TTC12: variants seen among roughly 807,000 people sequenced by gnomAD.
TTC12 encodes the protein tetratricopeptide repeat protein 12.
Under a neutral mutation model 90.1 loss-of-function variants are expected in TTC12, and 70 were observed. The ratio of observed to expected loss-of-function variants is 0.78; its 90% CI spans 0.64 to 0.95. The LOEUF is 0.95. Among genes scored for constraint, TTC12 ranks in the 40% least tolerant of loss-of-function variants. The probability of loss-of-function intolerance (pLI) is 0.00; values close to 1 mark genes in which losing one functional copy is unlikely to be tolerated. For synonymous variants in TTC12, 296 were observed against 311.5 expected, an observed-to-expected ratio of 0.95 and a Z score of 0.53; for missense variants, 819 against 846.1, an observed-to-expected ratio of 0.97 and a Z score of 0.40.
chr11:113,344,381 G>C lies in TTC12; in HGVS notation c.1095G>C (p.Leu365=). Residue 365 remains leucine, a synonymous_variant, in exon 13 of 22, where the codon CTG becomes CTC. Transcript: ENST00000529221. The stretch of plus-strand genomic sequence containing the variant: ...GGCAGCAGAGCTTTGCCCTGCTGCT[G>C]CATCTCGCCCAGACTGAGAGCGGAC... ...AIRQQSFALL[L]HLAQTESGRS... The C allele has an allele frequency of 6.2e-7, 1 of 1,614,180 alleles. No homozygotes were observed. The highest frequency in any genetic ancestry group is 8.5e-7 in the Non-Finnish European group (1 of 1,180,022).
At chr11:113,341,530 C>T (rs1359898159) in intron 11 of TTC12, 5 of 369,538 alleles carry the variant, frequency 1.4e-5, no homozygotes, top group African/African-American at 2.1e-5. Flanking sequence ...TTAGGATACC[C>T]GTGTGGGTTG....
chr11:113,367,629 C>T (rs1172528189), downstream of TTC12, among the ~76,000 whole-genome samples: 1 of 152,198 alleles, frequency 6.6e-6, no homozygotes, highest in African/African-American at 2.4e-5. Flanking sequence ...TCAACACACC[C>T]AAAGAAAGTG....
At chr11:113,315,816 C>T (rs1401047858) in intron 1 of TTC12, 1 of 154,150 alleles carries the variant, frequency 6.5e-6, no homozygotes, top group Non-Finnish European at 1.4e-5. Flanking sequence ...TGCAAATTGC[C>T]CCAAGTTTGT....
At position 113,344,458 on chromosome 11, in the gene TTC12, G is replaced by A. The variant is rs1555147432; in HGVS notation, c.1154+18G>A. 2 of 1,606,240 alleles carry A rather than the reference G, an allele frequency of 1.2e-6. No homozygotes were observed. Among genetic ancestry groups the A allele is most frequent in the Admixed American group, 3.4e-5 (2 of 59,444 alleles). ...CTGACCAGGTAAGCCTCTGCTGGCA[G>A]GATCTTCCTGGGACATCTCATGTCA... On this transcript the variant is annotated intron_variant, in intron 13 of 21. Coordinates refer to ENST00000529221, the MANE Select transcript of TTC12 (RefSeq NM_017868.4).
At chr11:113,334,722 C>T (rs1565589198) in intron 7 of TTC12, among the ~76,000 whole-genome samples, 1 of 151,844 alleles carries the variant, frequency 6.6e-6, no homozygotes, top group Non-Finnish European at 1.5e-5. Flanking sequence ...GATTGCATCT[C>T]ATTAAATGGA....
At chr11:113,352,573 AC>A (rs1555150811) in intron 16 of TTC12, among the ~76,000 whole-genome samples, 1 of 151,862 alleles carries the variant, frequency 6.6e-6, no homozygotes, top group African/African-American at 2.4e-5. Flanking sequence ...TAAGCCTAGT[AC>A]CTATTATTTA....
Position 113,362,437 on chromosome 11 carries a change from T to C in TTC12, c.1651T>C (p.Ser551Pro). The part of the protein sequence containing the change: ...AGVLSRTLSS[S>P]LKIVEEALRA... ...TGTTCTGAGCCGGACCCTTTCTTCC[T>C]CTCTGAAAATTGTTGAGGAGGCCTT... The change falls in exon 19 of 22, where the codon TCT (serine) becomes CCT (proline). Residue 551 changes from serine (S) to proline (P), a missense_variant. Ser to Pro is a moderately conservative substitution (Grantham distance 74, BLOSUM62 -1). Coordinates refer to ENST00000529221, the MANE Select transcript of TTC12 (RefSeq NM_017868.4). 6.2e-7 allele frequency: 1 copy of C among 1,614,112 alleles called. No individual in the cohort carries two copies.
chr11:113,320,785 C>A (rs1187942555), intron 2 of TTC12, among the ~76,000 whole-genome samples: 1 of 152,224 alleles, frequency 6.6e-6, no homozygotes, highest in Non-Finnish European at 1.5e-5. Flanking sequence ...TCTGCGTTCT[C>A]CCCCTCCCCT....
intron 16 of TTC12, among the ~76,000 whole-genome samples, chr11:113,355,311 CT>C (rs1377085529): frequency 6.6e-6 from 1 of 152,138 alleles, no homozygotes; most frequent in Admixed American, 6.5e-5. Flanking sequence ...GATATCCCCC[CT>C]GTTGTTTCTG....
chr11:113,349,155 T>A (rs1399470476), intron 13 of TTC12, among the ~76,000 whole-genome samples: 3 of 152,222 alleles, frequency 2.0e-5, no homozygotes, highest in African/African-American at 7.2e-5. Flanking sequence ...TAGCTAACAC[T>A]ACACTTCAAG....
intron 2 of TTC12, 128 bp from the exon 3 acceptor site, chr11:113,323,160 A>G (rs1158638216): frequency 7.8e-6 from 4 of 514,258 alleles, no homozygotes; most frequent in Non-Finnish European, 1.2e-5. Flanking sequence ...TGCTTGCTCT[A>G]TTTTGCTTTC....
intron 13 of TTC12, among the ~76,000 whole-genome samples, chr11:113,347,840 T>G (rs530518860): frequency 6.6e-6 from 1 of 152,284 alleles, no homozygotes; most frequent in African/African-American, 2.4e-5. Flanking sequence ...TCATCTGTCT[T>G]TCTTAAAGAT....
Position 113,344,252 on chromosome 11 carries a change from ACAACCT to A in TTC12, c.986-18_986-13del. 6.2e-7 allele frequency: 1 copy of A among 1,601,404 alleles called. No homozygotes were observed. The highest frequency in any genetic ancestry group is 8.5e-7 in the Non-Finnish European group (1 of 1,171,530). ...TGCCATGATGGCATGCACAAGACAC[ACAACCT>A]CTGTGTTTTGCAGAGGAAAACCAGC... On this transcript the variant is annotated splice_polypyrimidine_tract_variant and intron_variant, in intron 12 of 21. Transcript: ENST00000529221.
At chr11:113,320,197 G>T (rs1947220021) in intron 2 of TTC12, among the ~76,000 whole-genome samples, 1 of 152,056 alleles carries the variant, frequency 6.6e-6, no homozygotes. Flanking sequence ...TGGTTCCCTG[G>T]CAAAGACCCC....
rs782580785 is a variant in TTC12 at position 113,323,985 on chromosome 11, C to G, written c.223-9C>G. On this transcript the variant is annotated splice_polypyrimidine_tract_variant and intron_variant, in intron 3 of 21. Coordinates refer to ENST00000529221, the MANE Select transcript of TTC12 (RefSeq NM_017868.4). ...GTTTCTTTGTTTTTATGGTAACCTACGTCTACAGAGTGCAGAAGAAATAAA... is the reference window on the plus strand; with the variant it reads ...GTTTCTTTGTTTTTATGGTAACCTAGGTCTACAGAGTGCAGAAGAAATAAA... The G allele has an allele frequency of 1.2e-6, 2 of 1,608,904 alleles. No individual in the cohort carries two copies. Among genetic ancestry groups the G allele is most frequent in the South Asian group, 2.2e-5 (2 of 90,526 alleles).
At chr11:113,368,771 G>A (rs537345713), downstream of TTC12, 27 of 499,698 alleles carry the variant, frequency 5.4e-5, no homozygotes, top group South Asian at 8.8e-4. Flanking sequence ...TTCTTGGCTT[G>A]GAGAACTGAG....
intron 7 of TTC12, among the ~76,000 whole-genome samples, chr11:113,334,353 C>T (rs926417045): frequency 6.6e-6 from 1 of 152,118 alleles, no homozygotes; most frequent in Non-Finnish European, 1.5e-5. Flanking sequence ...AAGTTTCAAT[C>T]CTGCCTTTTG....
intron 6 of TTC12, among the ~76,000 whole-genome samples, chr11:113,327,963 C>A (rs45627831): frequency 6.6e-6 from 1 of 152,166 alleles, no homozygotes; most frequent in Non-Finnish European, 1.5e-5. Flanking sequence ...TGGCTGTTGC[C>A]TACTCCCTCC....
At chr11:113,320,387 C>G (rs573121059) in intron 2 of TTC12, among the ~76,000 whole-genome samples, 1 of 152,148 alleles carries the variant, frequency 6.6e-6, no homozygotes, top group East Asian at 1.9e-4. Context: ...AATGGCAGAA[C>G]GACACAGTAG....
Sources: allele counts gnomAD v4.1 joint callset (sites outside exome capture counted in the v4.1 genomes callset), GRCh38; gene constraint gnomAD v4.1.1; transcripts MANE v1.5; gene names NCBI Gene and HGNC (gene_info 2026-07-23, HGNC 2026-07-21).